The following SQLE variants were observed in gnomAD, a reference collection of about 807,000 sequenced individuals.
SQLE encodes squalene monooxygenase.
A neutral mutation model predicts 60.7 loss-of-function variants in SQLE; 29 were observed. The observed-to-expected ratio is 0.48, with a 90% CI of 0.36 to 0.65. The LOEUF (loss-of-function observed/expected upper bound fraction) is 0.65. Ranked by LOEUF, SQLE falls within the 30% of genes least tolerant of loss-of-function variation. SQLE has a pLI of 0.00. For missense variants in SQLE, 605 were observed against 684.1 expected (o/e 0.88, Z 1.29); for synonymous variants, 237 against 246.8 (o/e 0.96, Z 0.37).
At chr8:125,009,421 C>A in intron 6 of SQLE, 78 bp downstream of exon 6, 1 of 1,321,182 alleles carries the variant, frequency 7.6e-7, no homozygotes, top group South Asian at 1.5e-5. Context: ...GTGAAACATT[C>A]ATCCAGTCAA....
intron 2 of SQLE, among the ~76,000 whole-genome samples, chr8:125,005,318 A>G (rs1239980371): frequency 6.6e-6 from 1 of 152,168 alleles, no homozygotes; most frequent in Admixed American, 6.5e-5. Flanking sequence ...TTATGTTGTT[A>G]TCTTTAAATG....
chr8:125,022,088 G>GAAGT lies in SQLE; in HGVS notation c.*144_*147dup, dbSNP rs1018235386. On this transcript the variant is annotated 3_prime_UTR_variant, in exon 11 of 11. Transcript: ENST00000265896. ...CCAAGATTTGGATTAATTTGTTTTT[G>GAAGT]AAGTTTTTTGTATATAAATATGTAA... 4.0e-6 allele frequency: 2 copies of GAAGT among 503,958 alleles called. No individual in the cohort carries two copies. Among genetic ancestry groups the GAAGT allele is most frequent in the African/African-American group, 4.0e-5 (2 of 50,542 alleles). 31.2% of individuals were successfully genotyped at this position (503,958 alleles called of 1,614,324 possible).
intron 6 of SQLE, 77 bp downstream of exon 6, chr8:125,009,420 T>G (rs755690061): frequency 4.2e-5 from 55 of 1,317,480 alleles, no homozygotes; most frequent in Non-Finnish European, 5.3e-5. Context: ...GGTGAAACAT[T>G]CATCCAGTCA....
intron 1 of SQLE, 56 bp downstream of exon 1, chr8:124,999,750 T>G: frequency 6.6e-7 from 1 of 1,508,516 alleles, no homozygotes; most frequent in Non-Finnish European, 8.8e-7. Context: ...AGGATTGGGT[T>G]CACTCAAATA....
chr8:125,015,486 G>A lies in SQLE; in HGVS notation c.1205-2573G>A, dbSNP rs74337809. 1.8e-3 allele frequency among the ~76,000 whole-genome samples: 279 copies of A among 152,206 alleles called. 2 individuals carry two copies. Among genetic ancestry groups the A allele is most frequent in the Non-Finnish European group, 3.3e-3 (221 of 67,996 alleles). ...TCCGTCCTGTTTCCTTTCTGTGAAGGTAATTTTCTCTGGTAGTATGTTTTA... is the reference window on the plus strand; with the variant it reads ...TCCGTCCTGTTTCCTTTCTGTGAAGATAATTTTCTCTGGTAGTATGTTTTA... On this transcript the variant is annotated intron_variant, in intron 7 of 10. Transcript: ENST00000265896.
chr8:125,015,324 T>C (rs1276731488), intron 7 of SQLE, among the ~76,000 whole-genome samples: 1 of 152,202 alleles, frequency 6.6e-6, no homozygotes, highest in Non-Finnish European at 1.5e-5. Context: ...AGCAGATCGT[T>C]GGTTCTTTTT....
At position 125,005,043 on chromosome 8, in the gene SQLE, T is replaced by C. The variant is rs117171854; in HGVS notation, c.545-482T>C. Among the ~76,000 whole-genome samples, 410 of 152,326 alleles carry C rather than the reference T, an allele frequency of 2.7e-3. 1 individual carries two copies. Among genetic ancestry groups the C allele is most frequent in the Admixed American group, 7.5e-3 (114 of 15,302 alleles). Reference sequence around the variant, plus strand: ...TGGGGGATAACTCTACCCTTTCCATTTGGTTTGGAAAATCTACTTTTTCAT... The same window carrying C: ...TGGGGGATAACTCTACCCTTTCCATCTGGTTTGGAAAATCTACTTTTTCAT... On this transcript the variant is annotated intron_variant, in intron 2 of 10. Coordinates refer to ENST00000265896, the MANE Select transcript of SQLE (RefSeq NM_003129.4).
chr8:125,006,765 T>C (rs1363761254), intron 3 of SQLE, among the ~76,000 whole-genome samples: 1 of 151,302 alleles, frequency 6.6e-6, no homozygotes, highest in Non-Finnish European at 1.5e-5. Flanking sequence ...AGGGCAGTGT[T>C]GCAATCTCGG....
At position 125,009,277 on chromosome 8, in the gene SQLE, A is replaced by G. The variant is rs199608260; in HGVS notation, c.1042A>G (p.Ile348Val). Residue 348 changes from isoleucine (I) to valine (V), a missense_variant, in exon 6 of 11, where the codon ATT becomes GTT. Physicochemically the swap from Ile to Val is conservative, Grantham distance 29. Coordinates refer to ENST00000265896, the MANE Select transcript of SQLE (RefSeq NM_003129.4). ...SSSETRVLVD[I>V]RGEMPRNLRE... Reference sequence around the variant, plus strand: ...CAGTGAAACTCGAGTACTTGTTGACATTAGAGGAGAAATGCCAAGGAATTT... The same window carrying G: ...CAGTGAAACTCGAGTACTTGTTGACGTTAGAGGAGAAATGCCAAGGAATTT... 4,601 of 1,613,886 alleles carry G rather than the reference A, an allele frequency of 2.9e-3. 22 individuals are homozygous for G. Among genetic ancestry groups the G allele is most frequent in the South Asian group, 0.014 (1,256 of 91,056 alleles).
intron 6 of SQLE, 149 bp from the exon 7 acceptor site, chr8:125,011,388 A>G: frequency 1.9e-6 from 1 of 520,260 alleles, no homozygotes; most frequent in Non-Finnish European, 3.3e-6. Context: ...TTAATGAAAT[A>G]ATTAGTTCTT....
chr8:125,018,263 A>C, intron 8 of SQLE, 62 bp downstream of exon 8: 1 of 1,543,684 alleles, frequency 6.5e-7, no homozygotes, highest in Non-Finnish European at 8.9e-7. Context: ...GGTTAAGAGC[A>C]GTGGGGCTCT....
chr8:125,011,383 G>T, intron 6 of SQLE, 154 bp from the exon 7 acceptor site: 2 of 502,764 alleles, frequency 4.0e-6, no homozygotes, highest in Non-Finnish European at 6.8e-6. Context: ...TTTTATTAAT[G>T]AAATAATTAG....
At chr8:125,012,507 T>C (rs1024549463) in intron 7 of SQLE, among the ~76,000 whole-genome samples, 1 of 152,252 alleles carries the variant, frequency 6.6e-6, no homozygotes, top group Admixed American at 6.5e-5. Context: ...AAAGGCATTG[T>C]ATAGTAAAGC....
Position 125,007,405 on chromosome 8 carries a change from A to G in SQLE, c.740A>G (p.Glu247Gly). ...TTATTCTTTAGTGCAAAGTTTATTG[A>G]AGGTGTTGTGTTACAGTTATTAGAG... is the stretch of plus-strand genomic sequence containing the variant. ...AMAEPNAKFIEGVVLQLLEED... is the reference protein window; with the variant it reads ...AMAEPNAKFIGGVVLQLLEED... The change falls in exon 4 of 11, where the codon GAA becomes GGA. Residue 247 changes from glutamate (E) to glycine (G), a missense_variant. Glu to Gly is a moderately conservative substitution (Grantham distance 98). Coordinates refer to ENST00000265896, the MANE Select transcript of SQLE (RefSeq NM_003129.4). 1 of 1,551,228 alleles carries G rather than the reference A, an allele frequency of 6.4e-7. No individual in the cohort carries two copies. Among genetic ancestry groups the G allele is most frequent in the South Asian group, 1.2e-5 (1 of 83,326 alleles).
intron 9 of SQLE, among the ~76,000 whole-genome samples, chr8:125,019,438 A>G (rs1029550842): frequency 7.3e-5 from 11 of 151,002 alleles, no homozygotes; most frequent in Non-Finnish European, 1.3e-4. Context: ...TTAAAAGATC[A>G]GCAAGGCATG....
In SQLE at chr8:124,999,400, A is replaced by G; in HGVS notation, c.-4A>G. ...ACCGGTGCCACCAAAGAAGCCTTGG[A>G]ACCATGTGGACTTTTCTGGGCATTG... On this transcript the variant is annotated 5_prime_UTR_variant, in exon 1 of 11. Coordinates refer to ENST00000265896, the MANE Select transcript of SQLE (RefSeq NM_003129.4). 1 of 1,502,234 alleles carries G rather than the reference A, an allele frequency of 6.7e-7. No individual in the cohort carries two copies. The highest frequency in any genetic ancestry group is 8.9e-7 in the Non-Finnish European group (1 of 1,125,034). 93.1% of individuals were successfully genotyped at this position (1,502,234 alleles called of 1,614,324 possible). A position where few individuals can be genotyped will look rare whatever the true frequency, so the allele number is the denominator to read the frequency against.
At position 125,005,706 on chromosome 8, in the gene SQLE, G is replaced by T. The variant is rs1814936724; in HGVS notation, c.725+1G>T. The T allele has an allele frequency of 1.3e-6, 2 of 1,559,232 alleles. No individual in the cohort carries two copies. The highest frequency in any genetic ancestry group is 8.7e-7 in the Non-Finnish European group (1 of 1,145,808). The stretch of plus-strand genomic sequence containing the variant: ...GGAAAGCAGCTATGGCAGAGCCCAA[G>T]TAAGACCACAGTTTCAAATATATAA... On this transcript the variant is annotated splice_donor_variant, in intron 3 of 10. Coordinates refer to ENST00000265896, the MANE Select transcript of SQLE (RefSeq NM_003129.4). LOFTEE classifies it high-confidence loss of function.
chr8:125,005,550 G>C lies in SQLE; in HGVS notation c.570G>C (p.Gln190His). Residue 190 changes from glutamine to histidine, a missense_variant, in exon 3 of 11, where the codon CAG (glutamine) becomes CAC (histidine). Coordinates refer to ENST00000265896, the MANE Select transcript of SQLE (RefSeq NM_003129.4). ...ATACAGTGGAAGGTCTTGATGCCCA[G>C]GTTGTAAATGGTTACATGATTCATG... ...LGDTVEGLDAQVVNGYMIHDQ... is the reference protein window; with the variant it reads ...LGDTVEGLDAHVVNGYMIHDQ... The C allele has an allele frequency of 1.2e-6, 2 of 1,605,786 alleles. No homozygotes were observed. Among genetic ancestry groups the C allele is most frequent in the Non-Finnish European group, 1.7e-6 (2 of 1,174,898 alleles).
intron 1 of SQLE, 108 bp downstream of exon 1, chr8:124,999,802 T>C: frequency 1.5e-6 from 2 of 1,291,232 alleles, no homozygotes; most frequent in Non-Finnish European, 2.1e-6. Context: ...GTTAGATGCT[T>C]GTATACATTC....
Sources: allele counts gnomAD v4.1 joint callset (sites outside exome capture counted in the v4.1 genomes callset), GRCh38; gene constraint gnomAD v4.1.1; transcripts MANE v1.5; gene names NCBI Gene and HGNC (gene_info 2026-07-23, HGNC 2026-07-21).